Variants in OMA1 observed in about 807,000 individuals in gnomAD.
OMA1 encodes the protein OMA1 zinc metallopeptidase.
A neutral mutation model predicts 30.9 loss-of-function variants in OMA1; 38 were observed. The ratio of observed to expected loss-of-function variants is 1.23; its 90% CI spans 0.95 to 1.61. OMA1 has a LOEUF of 1.61. Ranked by LOEUF, OMA1 falls within the 40% of genes most tolerant of loss-of-function variation. OMA1 has a pLI of 0.00. For synonymous variants in OMA1, 173 were observed against 121.9 expected (o/e 1.42, Z -2.76); for missense variants, 461 against 349.2 (o/e 1.32, Z -2.55).
chr1:58,494,619 G>C (rs1645762699), intron 8 of OMA1, among the ~76,000 whole-genome samples: 1 of 152,100 alleles, frequency 6.6e-6, no homozygotes, highest in Non-Finnish European at 1.5e-5. Flanking sequence ...GATATGAACA[G>C]ACACTTCTCA....
intron 8 of OMA1, among the ~76,000 whole-genome samples, chr1:58,494,995 A>G (rs1206788861): frequency 6.6e-6 from 1 of 152,206 alleles, no homozygotes. Context: ...CACTATTCAC[A>G]ATAGCAAAGA....
intron 5 of OMA1, among the ~76,000 whole-genome samples, chr1:58,531,558 G>A (rs1646433819): frequency 6.6e-6 from 1 of 152,134 alleles, no homozygotes; most frequent in South Asian, 2.1e-4. Context: ...GTCATTACTT[G>A]AATGTATGAA....
chr1:58,491,997 T>C (rs902297922), intron 8 of OMA1, among the ~76,000 whole-genome samples: 8 of 152,144 alleles, frequency 5.3e-5, no homozygotes, highest in African/African-American at 1.4e-4. Context: ...TATTCCAAAA[T>C]TGACCACATA....
At chr1:58,498,668 ATATAAC>A (rs1226278520) in intron 8 of OMA1, among the ~76,000 whole-genome samples, 3 of 152,210 alleles carry the variant, frequency 2.0e-5, no homozygotes, top group African/African-American at 7.2e-5. Flanking sequence ...CTTCTTGCCT[ATATAAC>A]TATGTTTCTT....
intron 8 of OMA1, among the ~76,000 whole-genome samples, chr1:58,494,293 T>C (rs1217516869): frequency 6.6e-6 from 1 of 152,152 alleles, no homozygotes; most frequent in African/African-American, 2.4e-5. Context: ...ACTTAAATGT[T>C]AGACCTAAAA....
At chr1:58,530,993 T>C (rs12139614) in intron 5 of OMA1, among the ~76,000 whole-genome samples, 22,984 of 152,160 alleles carry the variant, frequency 0.15, 1,961 homozygotes, top group Admixed American at 0.26. Flanking sequence ...TTTCTTATAT[T>C]AACAGGCATA....
In OMA1 at chr1:58,481,052, C is replaced by G. The variant is rs772858754; in HGVS notation, c.1488G>C (p.Thr496=). Residue 496 remains threonine, a synonymous_variant, in exon 9 of 9, where the codon ACG becomes ACC. Coordinates refer to ENST00000371226, the MANE Select transcript of OMA1 (RefSeq NM_145243.5). ...EESEKEDLNI[T]KKQKMDTLPI... ...GAAGAGTATCCATTTTCTGTTTCTT[C>G]GTGATATTTAGGTCTTCTTTCTCTG... is the stretch of plus-strand genomic sequence containing the variant. 2 of 871,550 alleles carry G rather than the reference C, an allele frequency of 2.3e-6. No homozygotes were observed. The allele number at this position is 871,550 out of a possible 1,614,324, so 54.0% of individuals were successfully genotyped here.
intron 7 of OMA1, among the ~76,000 whole-genome samples, chr1:58,508,525 C>T (rs759890061): frequency 6.6e-6 from 1 of 152,158 alleles, no homozygotes; most frequent in Admixed American, 6.6e-5. Flanking sequence ...CCATAATCTG[C>T]GAGAGCAATT....
chr1:58,481,533 T>C (rs1645482364), intron 8 of OMA1, among the ~76,000 whole-genome samples: 1 of 152,138 alleles, frequency 6.6e-6, no homozygotes, highest in African/African-American at 2.4e-5. Flanking sequence ...CTATGAGAGA[T>C]TTTTTTCAAG....
intron 8 of OMA1, among the ~76,000 whole-genome samples, chr1:58,492,360 G>A (rs374273706): frequency 6.6e-5 from 10 of 152,034 alleles, no homozygotes; most frequent in Non-Finnish European, 1.5e-4. Flanking sequence ...AAGAACTAGA[G>A]AAGCAAGAGC....
chr1:58,481,202 T>C, intron 8 of OMA1, 28 bp from the exon 9 acceptor site: 1 of 722,086 alleles, frequency 1.4e-6, no homozygotes, highest in South Asian at 1.8e-5. Context: ...AATAAAAAAA[T>C]ACTATATATA....
At chr1:58,516,744 T>C (rs569782564) in intron 7 of OMA1, among the ~76,000 whole-genome samples, 22 of 152,174 alleles carry the variant, frequency 1.4e-4, no homozygotes, top group African/African-American at 4.8e-4. Flanking sequence ...ATATGACCAA[T>C]AGAACCATCT....
At chr1:58,500,937 CAAATT>C (rs1392332692) in intron 8 of OMA1, among the ~76,000 whole-genome samples, 3 of 152,128 alleles carry the variant, frequency 2.0e-5, no homozygotes, top group Non-Finnish European at 4.4e-5. Context: ...CTTTCAACGA[CAAATT>C]ATAATATACA....
intron 8 of OMA1, among the ~76,000 whole-genome samples, chr1:58,491,086 C>T (rs376644087): frequency 2.6e-5 from 4 of 152,174 alleles, no homozygotes; most frequent in East Asian, 1.9e-4. Context: ...AGATTACAGG[C>T]GTGAACCACT....
chr1:58,531,405 T>C (rs17447078), intron 5 of OMA1, among the ~76,000 whole-genome samples: 16,371 of 152,228 alleles, frequency 0.11, 1,003 homozygotes, highest in African/African-American at 0.16. Flanking sequence ...TATTTACTTA[T>C]ATCAGTTACC....
intron 8 of OMA1, among the ~76,000 whole-genome samples, chr1:58,494,870 A>C (rs1645768186): frequency 6.6e-6 from 1 of 152,236 alleles, no homozygotes; most frequent in African/African-American, 2.4e-5. Context: ...GCGATTCCTC[A>C]GGGATCTAGA....
chr1:58,486,910 T>C (rs1046196515), intron 8 of OMA1, among the ~76,000 whole-genome samples: 1 of 152,160 alleles, frequency 6.6e-6, no homozygotes, highest in Non-Finnish European at 1.5e-5. Flanking sequence ...GAAAGGGGCA[T>C]GTGGTGAAGT....
intron 1 of OMA1, among the ~76,000 whole-genome samples, chr1:58,545,154 G>C (rs1646680743): frequency 1.3e-5 from 2 of 151,996 alleles, no homozygotes; most frequent in Admixed American, 6.6e-5. Context: ...CAAACTCCCT[G>C]ATTTACTTAC....
chr1:58,546,282 C>CT (rs1445142637), intron 1 of OMA1, among the ~76,000 whole-genome samples: 1 of 152,228 alleles, frequency 6.6e-6, no homozygotes, highest in Non-Finnish European at 1.5e-5. Flanking sequence ...GCGGTCCCCT[C>CT]TGGCAGAGGT....
Sources: allele counts gnomAD v4.1 joint callset (sites outside exome capture counted in the v4.1 genomes callset), GRCh38; gene constraint gnomAD v4.1.1; transcripts MANE v1.5; gene names NCBI Gene and HGNC (gene_info 2026-07-23, HGNC 2026-07-21).